Variants in PPP2R2C observed in about 807,000 individuals in gnomAD.
PPP2R2C encodes protein phosphatase 2, regulatory subunit B, gamma.
PPP2R2C carries 10 observed loss-of-function variants against 45.3 expected under a neutral mutation model. That is an observed-to-expected ratio of 0.22 (90% CI 0.14 to 0.37). The LOEUF (loss-of-function observed/expected upper bound fraction) is 0.37. Ranked by LOEUF, PPP2R2C falls within the 10% of genes least tolerant of loss-of-function variation. The pLI is 1.00. For synonymous variants in PPP2R2C, 257 were observed against 245.4 expected (o/e 1.05, Z -0.44); for missense variants, 308 against 619.7 (o/e 0.50, Z 5.34).
intron 2 of PPP2R2C, among the ~76,000 whole-genome samples, chr4:6,500,828 TA>T (rs1723027916): frequency 6.6e-6 from 1 of 152,214 alleles, no homozygotes; most frequent in South Asian, 2.1e-4. Context: ...AGGAATTATC[TA>T]AAACCCTGCA....
At chr4:6,326,565 G>A (rs959895955) in intron 8 of PPP2R2C, among the ~76,000 whole-genome samples, 5 of 152,192 alleles carry the variant, frequency 3.3e-5, no homozygotes, top group Non-Finnish European at 7.3e-5. Flanking sequence ...GATAGTCCAC[G>A]CAGGATCACT....
chr4:6,443,728 T>G (rs1046011008), intron 1 of PPP2R2C, among the ~76,000 whole-genome samples: 10 of 152,128 alleles, frequency 6.6e-5, no homozygotes, highest in Non-Finnish European at 7.4e-5. Context: ...GTGCTGAGGC[T>G]CTGAAAGATG....
Position 6,378,285 on chromosome 4 carries a change from T to C in PPP2R2C, c.334+122A>G. 1 of 1,538,358 alleles carries C rather than the reference T, an allele frequency of 6.5e-7. No homozygotes were observed. Among genetic ancestry groups the C allele is most frequent in the Non-Finnish European group, 8.7e-7 (1 of 1,146,526 alleles). ...ATTTATATGCTGCTCAAAAAGGATA[T>C]TATTTTCTAGGCGTTCTGAAGACAT... On this transcript the variant is annotated intron_variant, in intron 3 of 8. Transcript: ENST00000382599. This position sits in a 1 kb window ranked among gnomAD's most constrained non-coding sequence, Gnocchi z 5.2.
In PPP2R2C at chr4:6,420,981, G is replaced by A. The variant is rs574321545; in HGVS notation, c.71-39887C>T. 27 of 985,228 alleles carry A rather than the reference G, an allele frequency of 2.7e-5. No homozygotes were observed. In the African/African-American group the frequency reaches 4.4e-4, roughly 16 times the overall value. 61.0% of individuals were successfully genotyped at this position (985,228 alleles called of 1,614,324 possible). A position where few individuals can be genotyped will look rare whatever the true frequency, so the allele number is the denominator to read the frequency against. On this transcript the variant is annotated intron_variant, in intron 1 of 8. Transcript: ENST00000382599. Reference sequence around the variant, plus strand: ...TCAGAAGGGCAGCAGCCAAGAGCTTGGGCAGCTGGTTCTCCTCGATGTGCC... The same window carrying A: ...TCAGAAGGGCAGCAGCCAAGAGCTTAGGCAGCTGGTTCTCCTCGATGTGCC...
At chr4:6,489,808 T>C (rs1302220393) in intron 2 of PPP2R2C, among the ~76,000 whole-genome samples, 1 of 152,136 alleles carries the variant, frequency 6.6e-6, no homozygotes, top group African/African-American at 2.4e-5. Context: ...CCATACCAGG[T>C]AGGACAGGAA....
At chr4:6,486,433 T>A (rs1271970915) in intron 2 of PPP2R2C, among the ~76,000 whole-genome samples, 2 of 152,020 alleles carry the variant, frequency 1.3e-5, no homozygotes, top group Admixed American at 6.6e-5. Context: ...TCTTACACAT[T>A]TTTTTGTTTA....
chr4:6,323,178 C>G lies in PPP2R2C; in HGVS notation c.*124G>C. On this transcript the variant is annotated 3_prime_UTR_variant, in exon 9 of 9. Coordinates refer to ENST00000382599, the MANE Select transcript of PPP2R2C (RefSeq NM_020416.4). ...CCAAACTTCCTGTGTCCACACACTG[C>G]CACCTCTGCAGCTGTCCTCATCAGT... 8.5e-7 allele frequency: 1 copy of G among 1,180,966 alleles called. No homozygotes were observed. The highest frequency in any genetic ancestry group is 1.1e-6 in the Non-Finnish European group (1 of 877,494). The allele number at this position is 1,180,966 out of a possible 1,614,324, so 73.2% of individuals were successfully genotyped here. A position where few individuals can be genotyped will look rare whatever the true frequency, so the allele number is the denominator to read the frequency against.
chr4:6,461,698 A>G (rs13143101), intron 1 of PPP2R2C, among the ~76,000 whole-genome samples: 42,229 of 152,060 alleles, frequency 0.28, 6,435 homozygotes, highest in East Asian at 0.42. Flanking sequence ...GAATGTGGGG[A>G]TTTCTTTGTA....
At chr4:6,526,273 T>C (rs1417487659) in intron 2 of PPP2R2C, among the ~76,000 whole-genome samples, 1 of 152,246 alleles carries the variant, frequency 6.6e-6, no homozygotes, top group African/African-American at 2.4e-5. Flanking sequence ...CCGTTCATCA[T>C]AAATTCCCTT....
intron 1 of PPP2R2C, chr4:6,381,452 C>T: frequency 1.5e-6 from 2 of 1,374,112 alleles, no homozygotes; most frequent in Non-Finnish European, 9.5e-7. Flanking sequence ...ATCTCCCACA[C>T]CTACCCCTGC....
chr4:6,440,014 T>C (rs914331520), intron 1 of PPP2R2C, among the ~76,000 whole-genome samples: 1 of 152,066 alleles, frequency 6.6e-6, no homozygotes, highest in African/African-American at 2.4e-5. Flanking sequence ...CCTGGGGAGC[T>C]TCCCTGACAC....
intron 5 of PPP2R2C, among the ~76,000 whole-genome samples, chr4:6,362,867 C>G (rs1453548665): frequency 9.9e-6 from 1 of 101,296 alleles, no homozygotes; most frequent in African/African-American, 3.9e-5. Flanking sequence ...AGCCCTGGCA[C>G]CCCCTTTCCC....
intron 1 of PPP2R2C, chr4:6,535,381 T>A: frequency 1.3e-6 from 2 of 1,499,548 alleles, no homozygotes; most frequent in South Asian, 1.2e-5. Context: ...TTTACTTCTA[T>A]AATCAGAAAA....
chr4:6,489,062 T>C (rs4689465), intron 2 of PPP2R2C, among the ~76,000 whole-genome samples: 72,086 of 151,944 alleles, frequency 0.47, 17,517 homozygotes, highest in Non-Finnish European at 0.52. Flanking sequence ...GCCTGTGAAA[T>C]CCAGCCACTT....
chr4:6,333,823 G>T, intron 6 of PPP2R2C, 92 bp from the exon 7 acceptor site: 2 of 1,359,984 alleles, frequency 1.5e-6, no homozygotes, highest in Non-Finnish European at 2.1e-6. Flanking sequence ...CTGGGCCCAT[G>T]CTCTGTTTAT....
intron 2 of PPP2R2C, among the ~76,000 whole-genome samples, chr4:6,531,777 T>C (rs776485617): frequency 1.4e-4 from 22 of 152,040 alleles, no homozygotes; most frequent in Admixed American, 1.3e-4. Context: ...ACCTTGCCAC[T>C]CAGTCCCCAG....
chr4:6,397,711 C>G (rs2109344251), intron 1 of PPP2R2C, among the ~76,000 whole-genome samples: 1 of 152,350 alleles, frequency 6.6e-6, no homozygotes, highest in East Asian at 1.9e-4. Context: ...GGGAAAGTTA[C>G]TCATCCTCTC....
At position 6,554,631 on chromosome 4, in the gene PPP2R2C, A is replaced by G. The variant is rs542242904; in HGVS notation, c.-59+8929T>C. On this transcript the variant is annotated intron_variant, in intron 1 of 9. Coordinates refer to the PPP2R2C transcript ENST00000506140. ...TCCCAGCACTTTGGGAGGCCAAGGC[A>G]GGCAGAGTACTTGAGGTCAGGAGTT... Among the ~76,000 whole-genome samples, 5 of 152,238 alleles carry G rather than the reference A, an allele frequency of 3.3e-5. No individual in the cohort carries two copies. The East Asian group carries it at 9.6e-4, about 29-fold the overall frequency.
chr4:6,445,113 T>C (rs2108738734), intron 1 of PPP2R2C, among the ~76,000 whole-genome samples: 1 of 152,012 alleles, frequency 6.6e-6, no homozygotes, highest in Non-Finnish European at 1.5e-5. Context: ...CGCTTGAGCC[T>C]GGGAGGCAGA....
Sources: gnomAD v4.1 joint callset for allele counts (sites outside exome capture counted in the v4.1 genomes callset) on GRCh38, gnomAD v4.1.1 for gene constraint, Gnocchi (gnomAD v3.1) non-coding constraint, MANE v1.5 for transcripts, NCBI Gene and HGNC (gene_info 2026-07-23, HGNC 2026-07-21) for gene names.